The following MYOT variants were observed in gnomAD, a reference collection of about 807,000 sequenced individuals.
MYOT encodes myotilin.
In MYOT, 36 loss-of-function variants were observed where a neutral mutation model predicts 58.0. That is an observed-to-expected ratio of 0.62 (90% CI 0.48 to 0.82). MYOT has a LOEUF of 0.82. Among genes scored for constraint, MYOT ranks in the 40% least tolerant of loss-of-function variants. MYOT has a pLI of 0.00. For synonymous variants in MYOT, 218 were observed against 204.6 expected (o/e 1.07, Z -0.56); for missense variants, 505 against 592.1 (o/e 0.85, Z 1.53).
At chr5:137,878,096 G>C (rs913330178) in intron 4 of MYOT, among the ~76,000 whole-genome samples, 5 of 151,586 alleles carry the variant, frequency 3.3e-5, no homozygotes, top group African/African-American at 1.2e-4. Context: ...TTCAAAAAAT[G>C]CTTTCTGAAA....
rs781715884 is a variant in MYOT, at chr5:137,886,951, T to C, written c.1278T>C (p.Val426=). 1 of 1,613,120 alleles carries C rather than the reference T, an allele frequency of 6.2e-7. No homozygotes were observed. Among genetic ancestry groups the C allele is most frequent in the African/African-American group, 1.3e-5 (1 of 74,916 alleles). Reference sequence around the variant, plus strand: ...CTGGGTGGTATACTGTGTCAGCAGTTAATGAAGCTGGAGTGACTACATGTA... The same window carrying C: ...CTGGGTGGTATACTGTGTCAGCAGTCAATGAAGCTGGAGTGACTACATGTA... ...KDAGWYTVSA[V]NEAGVTTCNT... The change falls in exon 9 of 10, where the codon GTT becomes GTC. Residue 426 remains valine, a synonymous_variant. Transcript: ENST00000239926.
rs1755642147 is a variant in MYOT, at chr5:137,887,453, A to T, written c.*68A>T. ...AATATATTTGATTACATTTTTTTGAAATTAATCCATAGCTGTATTAACAGA... is the reference window on the plus strand; with the variant it reads ...AATATATTTGATTACATTTTTTTGATATTAATCCATAGCTGTATTAACAGA... On this transcript the variant is annotated 3_prime_UTR_variant, in exon 10 of 10. Coordinates refer to ENST00000239926, the MANE Select transcript of MYOT (RefSeq NM_006790.3). 1 of 1,476,612 alleles carries T rather than the reference A, an allele frequency of 6.8e-7. No individual in the cohort carries two copies. Among genetic ancestry groups the T allele is most frequent in the African/African-American group, 1.4e-5 (1 of 71,636 alleles). 91.5% of individuals were successfully genotyped at this position (1,476,612 alleles called of 1,614,324 possible).
intron 7 of MYOT, 56 bp downstream of exon 7, chr5:137,883,647 A>C: frequency 1.3e-6 from 2 of 1,518,458 alleles, no homozygotes; most frequent in Non-Finnish European, 1.8e-6. Flanking sequence ...TATTGAAAAA[A>C]AGAAAGTATT....
chr5:137,877,371 A>C (rs1755263022), intron 3 of MYOT, 149 bp from the exon 4 acceptor site: 2 of 432,078 alleles, frequency 4.6e-6, no homozygotes, highest in Non-Finnish European at 4.1e-6. Flanking sequence ...CCGTCTCAAA[A>C]AAAAAAAAAA....
chr5:137,868,897 C>T (rs1183908655), intron 1 of MYOT, among the ~76,000 whole-genome samples: 1 of 152,112 alleles, frequency 6.6e-6, no homozygotes, highest in Non-Finnish European at 1.5e-5. Flanking sequence ...TTCTAAAATG[C>T]ATTCTAGTTT....
At chr5:137,877,739 G>A in intron 4 of MYOT, 118 bp downstream of exon 4, 2 of 744,918 alleles carry the variant, frequency 2.7e-6, no homozygotes, top group Non-Finnish European at 4.8e-6. Context: ...ATCCACCACT[G>A]GATACATAAA....
Position 137,877,531 on chromosome 5 carries a change from T to C in MYOT, c.543T>C (p.Tyr181=), listed in dbSNP as rs1580855796. The change falls in exon 4 of 10, where the codon TAT becomes TAC. Residue 181 remains tyrosine, a synonymous_variant. Transcript: ENST00000239926. ...TAAATTCTCTAAAGCGTCTAACATA[T>C]GAAGAGAAGATGGCTCGCAGATTGC... ...LLHNGNQRLT[Y]EEKMARRLLG... 6.2e-7 allele frequency: 1 copy of C among 1,612,198 alleles called. No individual in the cohort carries two copies.
chr5:137,876,173 CTT>C, intron 3 of MYOT, 170 bp downstream of exon 3: 1 of 684,646 alleles, frequency 1.5e-6, no homozygotes, highest in Non-Finnish European at 2.4e-6. Flanking sequence ...GAAATCACCT[CTT>C]GGTTTACAGT....
intron 8 of MYOT, chr5:137,886,660 T>A: frequency 1.6e-6 from 1 of 619,558 alleles, no homozygotes; most frequent in South Asian, 1.6e-5. Flanking sequence ...ACAGGGACCA[T>A]CAGGGGACAG....
intron 5 of MYOT, 92 bp from the exon 6 acceptor site, chr5:137,881,881 G>GAA: frequency 7.1e-5 from 84 of 1,178,620 alleles, no homozygotes; most frequent in Middle Eastern, 4.1e-4. Context: ...AAACTCCATT[G>GAA]AAAAAAAAAA....
intron 6 of MYOT, chr5:137,883,023 G>A (rs2149987653): frequency 7.8e-6 from 2 of 256,834 alleles, no homozygotes; most frequent in South Asian, 9.3e-5. Flanking sequence ...ATATATATGT[G>A]CCTCTGGGAC....
At chr5:137,882,572 T>C (rs1053005314) in intron 6 of MYOT, among the ~76,000 whole-genome samples, 1 of 151,978 alleles carries the variant, frequency 6.6e-6, no homozygotes, top group African/African-American at 2.4e-5. Flanking sequence ...TCAGCCTCCC[T>C]AGTAGCTGAA....
In MYOT at chr5:137,887,055, G is replaced by A. The variant is rs910026065; in HGVS notation, c.1324+58G>A. 5 of 1,575,828 alleles carry A rather than the reference G, an allele frequency of 3.2e-6. No individual in the cohort carries two copies. In the Admixed American group the frequency reaches 8.3e-5, roughly 26 times the overall value. ...GGATTTAACTAGGAAGATTTAATAAGAAATGAAAATCCCAGCAGAGTATAA... is the reference window on the plus strand; with the variant it reads ...GGATTTAACTAGGAAGATTTAATAAAAAATGAAAATCCCAGCAGAGTATAA... On this transcript the variant is annotated intron_variant, in intron 9 of 9. Coordinates refer to ENST00000239926, the MANE Select transcript of MYOT (RefSeq NM_006790.3).
intron 8 of MYOT, 52 bp from the exon 9 acceptor site, chr5:137,886,812 A>G: frequency 2.3e-6 from 3 of 1,317,840 alleles, no homozygotes; most frequent in Non-Finnish European, 3.3e-6. Context: ...AGAGACATCC[A>G]CTTCACAGAA....
At chr5:137,873,578 T>C (rs1045420821) in intron 2 of MYOT, among the ~76,000 whole-genome samples, 67 of 152,026 alleles carry the variant, frequency 4.4e-4, no homozygotes, top group African/African-American at 1.5e-3. Flanking sequence ...TATAATTCTA[T>C]ACGATTGAAA....
chr5:137,887,285 T>C lies in MYOT; in HGVS notation c.1397T>C (p.Leu466Pro), dbSNP rs1295267806. The C allele has an allele frequency of 1.2e-6, 2 of 1,614,054 alleles. No individual in the cohort carries two copies. Among genetic ancestry groups the C allele is most frequent in the Middle Eastern group, 1.6e-4 (1 of 6,062 alleles). Residue 466 changes from leucine (L) to proline (P), a missense_variant, in exon 10 of 10, where the codon CTT (leucine) becomes CCT (proline). Leu to Pro is a moderately conservative substitution (Grantham distance 98, BLOSUM62 -3). Transcript: ENST00000239926. The part of the protein sequence containing the change: ...VRPTFSKYLA[L>P]NGKGLNVKQA... Reference sequence around the variant, plus strand: ...CCAACATTCAGCAAATATTTAGCACTTAATGGGAAAGGTTTGAATGTAAAA... The same window carrying C: ...CCAACATTCAGCAAATATTTAGCACCTAATGGGAAAGGTTTGAATGTAAAA...
At chr5:137,871,069 G>A in intron 2 of MYOT, 62 bp downstream of exon 2, 1 of 1,432,962 alleles carries the variant, frequency 7.0e-7, no homozygotes. Context: ...TTGCGAGGGG[G>A]TAGGAGTTTT....
At position 137,886,105 on chromosome 5, in the gene MYOT, T is replaced by TA. The variant is rs886042337; in HGVS notation, c.1083dup (p.Glu362ArgfsTer25). The TA allele has an allele frequency of 3.1e-6, 5 of 1,611,314 alleles. No individual in the cohort carries two copies. The highest frequency in any genetic ancestry group is 4.2e-6 in the Non-Finnish European group (5 of 1,177,772). On this transcript the variant is annotated frameshift_variant, in exon 8 of 10. Coordinates refer to ENST00000239926, the MANE Select transcript of MYOT (RefSeq NM_006790.3). LOFTEE classifies it high-confidence loss of function. Reference sequence around the variant, plus strand: ...TACAAACCACAGAGCAAAAAAGTTTTAGAGGGAGATTCAGTGAAACTAGAA... The same window carrying TA: ...TACAAACCACAGAGCAAAAAAGTTTTAAGAGGGAGATTCAGTGAAACTAGAA...
At chr5:137,870,285 C>G (rs1222727254) in intron 1 of MYOT, among the ~76,000 whole-genome samples, 156 bp from the exon 2 acceptor site, 1 of 60,212 alleles carries the variant, frequency 1.7e-5, no homozygotes, top group Non-Finnish European at 3.2e-5. Flanking sequence ...GGCGATTAAG[C>G]AAGACACACA....
Sources: gnomAD v4.1 joint callset for allele counts (sites outside exome capture counted in the v4.1 genomes callset) on GRCh38, gnomAD v4.1.1 for gene constraint, MANE v1.5 for transcripts, NCBI Gene and HGNC (gene_info 2026-07-23, HGNC 2026-07-21) for gene names.